Variants in ATG7 observed in about 807,000 individuals in gnomAD.
ATG7 encodes the protein autophagy related 7.
ATG7 carries 70 observed loss-of-function variants against 82.4 expected under a neutral mutation model. The observed-to-expected ratio is 0.85, with a 90% confidence interval of 0.70 to 1.04. ATG7 has a LOEUF of 1.04. Ranked by LOEUF, ATG7 falls within the 50% of genes least tolerant of loss-of-function variation. The pLI is 0.00. For missense variants in ATG7, 792 were observed against 864.3 expected (o/e 0.92, Z 1.05); for synonymous variants, 287 against 313.0 (o/e 0.92, Z 0.88).
intron 20 of ATG7, chr3:11,510,346 C>T (rs2091988280): frequency 2.2e-6 from 1 of 448,066 alleles, no homozygotes; most frequent in Non-Finnish European, 4.5e-6. Flanking sequence ...GTTATTACCT[C>T]TTATTTGTCT....
chr3:11,512,755 C>CAT (rs1209929731), intron 20 of ATG7, among the ~76,000 whole-genome samples: 3 of 152,212 alleles, frequency 2.0e-5, no homozygotes, highest in Non-Finnish European at 4.4e-5. Flanking sequence ...ACAAAGCTTC[C>CAT]ATAGTGTGGA....
At chr3:11,372,825 T>C (rs1158613738) in intron 18 of ATG7, among the ~76,000 whole-genome samples, 1 of 117,468 alleles carries the variant, frequency 8.5e-6, no homozygotes, top group Non-Finnish European at 1.7e-5. Context: ...TGCGCGCGTG[T>C]GCGTGTGTGT....
the ATG7 span, among the ~76,000 whole-genome samples, chr3:11,571,871 C>G: frequency 6.6e-6 from 1 of 152,118 alleles, no homozygotes; most frequent in African/African-American, 2.4e-5. Flanking sequence ...CTTTGGGAGG[C>G]CGAGGCCGGC....
chr3:11,439,092 A>T (rs2083635926), intron 20 of ATG7, among the ~76,000 whole-genome samples: 1 of 118,986 alleles, frequency 8.4e-6, no homozygotes, highest in African/African-American at 3.3e-5. Context: ...TTTTTGAGAC[A>T]GAGTCTCACC....
chr3:11,312,753 T>C (rs968048901), intron 7 of ATG7, among the ~76,000 whole-genome samples: 7 of 152,256 alleles, frequency 4.6e-5, no homozygotes, highest in African/African-American at 1.7e-4. Context: ...ACAGCTTCCT[T>C]AATAACATGT....
intron 20 of ATG7, among the ~76,000 whole-genome samples, chr3:11,461,882 T>A (rs62245898): frequency 6.6e-6 from 1 of 151,696 alleles, no homozygotes; most frequent in South Asian, 2.1e-4. Flanking sequence ...AAAAAAAAAT[T>A]AGCTGGGCGT....
chr3:11,475,908 C>CACACACACACACACA lies in ATG7; in HGVS notation c.2079+48982_2079+48983insACACACACACACACA, dbSNP rs59230356. Reference sequence around the variant, plus strand: ...ACACACACACACACACACACACACACCCCCTCCCAGAGTCCGAGCATTCTA... The same window carrying CACACACACACACACA: ...ACACACACACACACACACACACACACACACACACACACACACCCCTCCCAGAGTCCGAGCATTCTA... On this transcript the variant is annotated intron_variant, in intron 20 of 20. Transcript: ENST00000693202. Among the ~76,000 whole-genome samples the CACACACACACACACA allele has an allele frequency of 1.9e-4, 27 of 145,620 alleles. 1 individual carries two copies. The highest frequency in any genetic ancestry group is 1.4e-3 in the South Asian group (6 of 4,344).
rs914374347 is a variant in ATG7, at chr3:11,460,124, G to A, written c.2079+33198G>A. On this transcript the variant is annotated intron_variant, in intron 20 of 20. Coordinates refer to ENST00000693202, the MANE Select transcript of ATG7 (RefSeq NM_001349232.2). ...AATGTAGGCAGCCTCAGTGCTACATGACCAACCAGATGGATCAGCTGTTTA... is the reference window on the plus strand; with the variant it reads ...AATGTAGGCAGCCTCAGTGCTACATAACCAACCAGATGGATCAGCTGTTTA... Among the ~76,000 whole-genome samples the A allele has an allele frequency of 5.3e-5, 8 of 152,290 alleles. No homozygotes were observed. In the East Asian group the frequency reaches 7.7e-4, roughly 15 times the overall value.
intron 20 of ATG7, among the ~76,000 whole-genome samples, chr3:11,474,455 C>T (rs1045783996): frequency 1.3e-5 from 2 of 152,214 alleles, no homozygotes; most frequent in South Asian, 4.1e-4. Flanking sequence ...CAAAAATTAG[C>T]TGGGCATGGT....
intron 18 of ATG7, among the ~76,000 whole-genome samples, chr3:11,378,773 A>T (rs1455392279): frequency 6.6e-6 from 1 of 151,886 alleles, no homozygotes. Context: ...CAAACAGTTA[A>T]CACTGTTACA....
chr3:11,456,829 C>T (rs537026990), intron 20 of ATG7, among the ~76,000 whole-genome samples: 5 of 152,138 alleles, frequency 3.3e-5, no homozygotes, highest in African/African-American at 9.7e-5. Flanking sequence ...GTATGTGTAC[C>T]CTTTTCTGAA....
At chr3:11,486,048 C>G (rs757715081) in intron 20 of ATG7, among the ~76,000 whole-genome samples, 1 of 152,120 alleles carries the variant, frequency 6.6e-6, no homozygotes, top group South Asian at 2.1e-4. Context: ...TCCATATGAA[C>G]TTTTAAGTAG....
intron 19 of ATG7, among the ~76,000 whole-genome samples, chr3:11,410,392 C>G (rs76742669): frequency 0.039 from 5,874 of 151,988 alleles, 118 homozygotes; most frequent in African/African-American, 0.051. Flanking sequence ...GTCTTGTTGA[C>G]AAATGTACTT....
At chr3:11,344,998 C>T (rs1448751855) in intron 13 of ATG7, among the ~76,000 whole-genome samples, 1 of 152,202 alleles carries the variant, frequency 6.6e-6, no homozygotes, top group Non-Finnish European at 1.5e-5. Flanking sequence ...ATAAAATAAA[C>T]TTAAAACGTT....
chr3:11,365,569 C>T (rs1330688201), intron 18 of ATG7, among the ~76,000 whole-genome samples: 1 of 152,108 alleles, frequency 6.6e-6, no homozygotes, highest in Non-Finnish European at 1.5e-5. Flanking sequence ...CTGTTCCCAT[C>T]AGTGAAATCG....
chr3:11,560,629 C>T (rs1218716776), downstream of ATG7, among the ~76,000 whole-genome samples: 2 of 152,182 alleles, frequency 1.3e-5, no homozygotes, highest in Non-Finnish European at 2.9e-5. Flanking sequence ...CAAGGATGAA[C>T]TGGGATTGAA....
At chr3:11,327,087 G>A (rs571140578) in intron 9 of ATG7, among the ~76,000 whole-genome samples, 8 of 152,298 alleles carry the variant, frequency 5.3e-5, no homozygotes, top group South Asian at 2.1e-4. Flanking sequence ...GGGGGAGTCC[G>A]TGTATTGAAG....
intron 11 of ATG7, among the ~76,000 whole-genome samples, chr3:11,339,681 G>T (rs892888432): frequency 6.6e-6 from 1 of 152,210 alleles, no homozygotes; most frequent in African/African-American, 2.4e-5. Context: ...AGATGTTTAA[G>T]AGAATTTTGC....
intron 9 of ATG7, among the ~76,000 whole-genome samples, chr3:11,323,094 CAAA>C (rs942855793): frequency 6.8e-6 from 1 of 147,970 alleles, no homozygotes; most frequent in African/African-American, 2.5e-5. Context: ...ATGAAACTGT[CAAA>C]AAAAAAAGTT....
Sources: gnomAD v4.1 joint callset for allele counts (sites outside exome capture counted in the v4.1 genomes callset) on GRCh38, gnomAD v4.1.1 for gene constraint, MANE v1.5 for transcripts, NCBI Gene and HGNC (gene_info 2026-07-23, HGNC 2026-07-21) for gene names.